SMAD2: variants seen among roughly 807,000 people sequenced by gnomAD.
SMAD2 encodes MAD homolog 2.
Under a neutral mutation model 64.4 loss-of-function variants are expected in SMAD2, and 8 were observed. The ratio of observed to expected loss-of-function variants is 0.12; its 90% CI spans 0.07 to 0.22. SMAD2 has a LOEUF of 0.22. SMAD2 is among the 10% of genes least tolerant of loss of function. SMAD2 has a pLI of 1.00. For missense variants in SMAD2, 289 were observed against 561.2 expected, an observed-to-expected ratio of 0.51 and a Z score of 4.90; for synonymous variants, 203 against 195.8, an observed-to-expected ratio of 1.04 and a Z score of -0.31.
intron 2 of SMAD2, among the ~76,000 whole-genome samples, chr18:47,885,264 C>T (rs1273324947): frequency 6.6e-6 from 1 of 152,020 alleles, no homozygotes; most frequent in Non-Finnish European, 1.5e-5. Context: ...CAACCTCCGC[C>T]TCCTGGGTTC....
intron 2 of SMAD2, among the ~76,000 whole-genome samples, chr18:47,888,660 G>C (rs914250622): frequency 2.0e-5 from 3 of 152,214 alleles, no homozygotes; most frequent in African/African-American, 7.2e-5. Flanking sequence ...TCGCTAATTA[G>C]ATTAAGGGGA....
intron 6 of SMAD2, among the ~76,000 whole-genome samples, chr18:47,855,353 A>G (rs2030575594): frequency 6.6e-6 from 1 of 152,194 alleles, no homozygotes; most frequent in African/African-American, 2.4e-5. Context: ...CTAAGTTTTC[A>G]ATTCATTTGG....
intron 7 of SMAD2, among the ~76,000 whole-genome samples, chr18:47,850,583 ATATATATT>A (rs1915302835): frequency 4.3e-5 from 2 of 46,898 alleles, no homozygotes; most frequent in Admixed American, 4.5e-4. Context: ...TATATATTAT[ATATATATT>A]ATATATATTA....
intron 1 of SMAD2, among the ~76,000 whole-genome samples, chr18:47,918,668 G>A (rs937154837): frequency 2.0e-5 from 3 of 152,166 alleles, no homozygotes; most frequent in African/African-American, 7.2e-5. Context: ...AAATAAGACT[G>A]AGCAACCCTG....
In SMAD2 at chr18:47,829,125, T is replaced by C. The variant is rs1364721763; in HGVS notation, c.*12702A>G. 4 of 152,026 alleles carry C rather than the reference T, an allele frequency of 2.6e-5. No homozygotes were observed. The highest frequency in any genetic ancestry group is 5.9e-5 in the Non-Finnish European group (4 of 68,010). The allele number at this position is 152,026 out of a possible 1,614,324, so 9.4% of individuals were successfully genotyped here. On this transcript the variant is annotated 3_prime_UTR_variant, in exon 11 of 11. Transcript: ENST00000262160. ...AAAGTTCAGGAGCCACCAGAGGATG[T>C]TAAGGAGGCTTCCTAGAGAAGACGT...
At chr18:47,924,643 G>A (rs2034692582) in intron 1 of SMAD2, among the ~76,000 whole-genome samples, 1 of 151,918 alleles carries the variant, frequency 6.6e-6, no homozygotes, top group African/African-American at 2.4e-5. Flanking sequence ...TGCATTTTTA[G>A]TAGAGACAAG....
intron 10 of SMAD2, among the ~76,000 whole-genome samples, chr18:47,844,585 A>C (rs796985559): frequency 2.0e-4 from 30 of 152,312 alleles, no homozygotes; most frequent in African/African-American, 7.2e-4. Context: ...CTTATAAAAG[A>C]GGTAAAGAGT....
intron 2 of SMAD2, among the ~76,000 whole-genome samples, chr18:47,879,746 T>C (rs1436580989): frequency 6.6e-6 from 1 of 152,208 alleles, no homozygotes; most frequent in Non-Finnish European, 1.5e-5. Context: ...GTTTAGCTTT[T>C]CAATAAATTG....
intron 1 of SMAD2, among the ~76,000 whole-genome samples, chr18:47,901,309 T>C (rs569037311): frequency 2.1e-4 from 32 of 152,336 alleles, no homozygotes; most frequent in African/African-American, 6.0e-4. Context: ...CTTTGCCTGA[T>C]TGGTATAGCC....
At chr18:47,918,771 G>C (rs1010392012) in intron 1 of SMAD2, among the ~76,000 whole-genome samples, 1 of 151,908 alleles carries the variant, frequency 6.6e-6, no homozygotes, top group Non-Finnish European at 1.5e-5. Context: ...AAAATCAATA[G>C]AAGTGCTAGA....
chr18:47,855,928 T>A (rs777924800), intron 6 of SMAD2, among the ~76,000 whole-genome samples: 3 of 152,212 alleles, frequency 2.0e-5, no homozygotes, highest in Non-Finnish European at 4.4e-5. Flanking sequence ...CTCTTGCTGC[T>A]TTTATTCACA....
At chr18:47,924,511 G>C (rs1435452597) in intron 1 of SMAD2, among the ~76,000 whole-genome samples, 2 of 151,324 alleles carry the variant, frequency 1.3e-5, no homozygotes, top group African/African-American at 4.9e-5. Context: ...TCCCAGGCTG[G>C]AGAGCAGTCG....
intron 2 of SMAD2, among the ~76,000 whole-genome samples, chr18:47,894,162 C>T (rs886084689): frequency 6.6e-6 from 1 of 152,188 alleles, no homozygotes; most frequent in Non-Finnish European, 1.5e-5. Flanking sequence ...CTCTCAGGCT[C>T]TGCTCTGGAT....
chr18:47,842,282 C>A (rs1914029503), intron 10 of SMAD2, among the ~76,000 whole-genome samples: 1 of 152,154 alleles, frequency 6.6e-6, no homozygotes, highest in South Asian at 2.1e-4. Context: ...TGGCTCACAC[C>A]TGTAAGCCCA....
At chr18:47,853,135 G>C (rs927315693) in intron 6 of SMAD2, 2 of 172,450 alleles carry the variant, frequency 1.2e-5, no homozygotes, top group African/African-American at 4.8e-5. Context: ...TTAGAGACCA[G>C]CCTGGCCAAC....
At chr18:47,874,921 C>T (rs1319185107) in intron 2 of SMAD2, among the ~76,000 whole-genome samples, 1 of 151,934 alleles carries the variant, frequency 6.6e-6, no homozygotes, top group Non-Finnish European at 1.5e-5. Context: ...GAAAATATTG[C>T]CAGAGAATAA....
chr18:47,914,780 AC>A (rs966661639), intron 1 of SMAD2, among the ~76,000 whole-genome samples: 30 of 151,648 alleles, frequency 2.0e-4, no homozygotes, highest in Admixed American at 1.8e-3. Context: ...TGTCAGGGTG[AC>A]CCCCCTTCCT....
intron 2 of SMAD2, among the ~76,000 whole-genome samples, chr18:47,873,857 T>G (rs1486037487): frequency 6.6e-6 from 1 of 152,052 alleles, no homozygotes; most frequent in African/African-American, 2.4e-5. Context: ...AACAGAACAC[T>G]GCAGGGGGGT....
chr18:47,912,775 T>C (rs1404766423), intron 1 of SMAD2, among the ~76,000 whole-genome samples: 1 of 149,540 alleles, frequency 6.7e-6, no homozygotes, highest in Non-Finnish European at 1.5e-5. Context: ...TCCCTACAAG[T>C]ATCTGTATCT....
Sources: allele counts gnomAD v4.1 joint callset (sites outside exome capture counted in the v4.1 genomes callset), GRCh38; gene constraint gnomAD v4.1.1; transcripts MANE v1.5; gene names NCBI Gene and HGNC (gene_info 2026-07-23, HGNC 2026-07-21).